The following SYT9 variants were observed in gnomAD, a reference collection of about 807,000 sequenced individuals.
SYT9 encodes synaptotagmin-9.
SYT9 carries 22 observed loss-of-function variants against 48.4 expected under a neutral mutation model. The ratio of observed to expected loss-of-function variants is 0.45; its 90% CI spans 0.32 to 0.65. The LOEUF is 0.65. Among genes scored for constraint, SYT9 ranks in the 30% least tolerant of loss-of-function variants. SYT9 has a pLI of 0.03. For synonymous variants in SYT9, 265 were observed against 245.0 expected, an observed-to-expected ratio of 1.08 and a Z score of -0.76; for missense variants, 577 against 622.0, an observed-to-expected ratio of 0.93 and a Z score of 0.77.
intron 3 of SYT9, among the ~76,000 whole-genome samples, chr11:7,394,305 A>G (rs1036878255): frequency 2.0e-5 from 3 of 152,028 alleles, no homozygotes; most frequent in African/African-American, 7.3e-5. Flanking sequence ...CATTTTTTAT[A>G]GGTGCATAGT....
intron 3 of SYT9, among the ~76,000 whole-genome samples, chr11:7,350,405 G>A (rs1168219534): frequency 6.6e-6 from 1 of 152,150 alleles, no homozygotes; most frequent in Non-Finnish European, 1.5e-5. Context: ...CATCAGAGCA[G>A]CCAACTTCTC....
intron 6 of SYT9, among the ~76,000 whole-genome samples, chr11:7,454,447 G>T (rs555369159): frequency 9.9e-5 from 15 of 152,036 alleles, no homozygotes; most frequent in Non-Finnish European, 2.1e-4. Flanking sequence ...CACGGACACA[G>T]TCCCTTTCCC....
At chr11:7,309,595 T>C (rs1347809658) in intron 2 of SYT9, among the ~76,000 whole-genome samples, 1 of 152,196 alleles carries the variant, frequency 6.6e-6, no homozygotes, top group African/African-American at 2.4e-5. Context: ...TGGGGGAGGC[T>C]CAGGTAATGG....
At chr11:7,365,119 C>T (rs1217593285) in intron 3 of SYT9, among the ~76,000 whole-genome samples, 1 of 151,684 alleles carries the variant, frequency 6.6e-6, no homozygotes. Context: ...CCATTGACTG[C>T]AAGGCTTATG....
rs551827049 is a variant in SYT9, at chr11:7,353,942, A to G, written c.1044+40001A>G. The stretch of plus-strand genomic sequence containing the variant: ...AAAGATGAAATATTGTATATTTGAA[A>G]TATTGTCTTTGAACTATCTTGATTG... On this transcript the variant is annotated intron_variant, in intron 3 of 6. Transcript: ENST00000318881. Among the ~76,000 whole-genome samples, 4 of 152,340 alleles carry G rather than the reference A, an allele frequency of 2.6e-5. No individual in the cohort carries two copies. The South Asian group carries it at 8.3e-4, about 32-fold the overall frequency.
intron 3 of SYT9, among the ~76,000 whole-genome samples, chr11:7,354,421 A>T (rs1849978178): frequency 6.6e-6 from 1 of 152,160 alleles, no homozygotes; most frequent in African/African-American, 2.4e-5. Flanking sequence ...TGGCAGAACC[A>T]ACATCTGTTT....
intron 1 of SYT9, among the ~76,000 whole-genome samples, chr11:7,298,280 A>G (rs1848849661): frequency 6.6e-6 from 1 of 151,598 alleles, no homozygotes. Context: ...TTTTTCTTTT[A>G]TTTCACCAAT....
chr11:7,427,950 C>CA (rs916677184), intron 6 of SYT9: 1 of 152,176 alleles, frequency 6.6e-6, no homozygotes, highest in Non-Finnish European at 1.5e-5. Context: ...ATTAGTGGGG[C>CA]ATTGTGTTTC....
intron 3 of SYT9, among the ~76,000 whole-genome samples, chr11:7,362,075 C>T (rs1472123356): frequency 6.6e-6 from 1 of 151,930 alleles, no homozygotes; most frequent in East Asian, 1.9e-4. Flanking sequence ...CCCAAAGTAC[C>T]ATCCAGTAGT....
At chr11:7,392,867 A>G (rs542572623) in intron 3 of SYT9, among the ~76,000 whole-genome samples, 1 of 152,204 alleles carries the variant, frequency 6.6e-6, no homozygotes, top group East Asian at 1.9e-4. Flanking sequence ...GTGTATTACA[A>G]ATGGGATTAC....
At chr11:7,434,266 G>T (rs1479954706) in intron 6 of SYT9, among the ~76,000 whole-genome samples, 1 of 152,162 alleles carries the variant, frequency 6.6e-6, no homozygotes, top group East Asian at 1.9e-4. Context: ...CTCCCATGTG[G>T]TTCAAGATAA....
rs71059104 is a variant in SYT9, at chr11:7,391,735, T to TAAAAAAAAAAAAAAAAAAA, written c.1045-24295_1045-24277dup. On this transcript the variant is annotated intron_variant, in intron 3 of 6. Coordinates refer to ENST00000318881, the MANE Select transcript of SYT9 (RefSeq NM_175733.4). ...GGACAACATGGTAAAACCCCATCTC[T>TAAAAAAAAAAAAAAAAAAA]AAAAAAAAAAAAAAAAAAAAAAAAA... Among the ~76,000 whole-genome samples the TAAAAAAAAAAAAAAAAAAA allele has an allele frequency of 1.6e-3, 59 of 35,950 alleles. 8 individuals are homozygous for TAAAAAAAAAAAAAAAAAAA. Among genetic ancestry groups the TAAAAAAAAAAAAAAAAAAA allele is most frequent in the Non-Finnish European group, 2.2e-3 (44 of 19,930 alleles). The allele number at this position is 35,950 out of a possible 152,430, so 23.6% of individuals were successfully genotyped here. A position where few individuals can be genotyped will look rare whatever the true frequency, so the allele number is the denominator to read the frequency against.
chr11:7,368,695 T>C (rs1216515501), intron 3 of SYT9, among the ~76,000 whole-genome samples: 2 of 152,238 alleles, frequency 1.3e-5, no homozygotes, highest in Non-Finnish European at 2.9e-5. Context: ...GGACACGAAC[T>C]CATCTTTTTT....
At chr11:7,262,670 G>C (rs1262407185) in intron 1 of SYT9, among the ~76,000 whole-genome samples, 1 of 152,136 alleles carries the variant, frequency 6.6e-6, no homozygotes, top group Non-Finnish European at 1.5e-5. Context: ...AAGTGCTACT[G>C]TTAGGTCAAG....
chr11:7,308,852 T>C (rs1224295137), intron 2 of SYT9, among the ~76,000 whole-genome samples: 1 of 152,168 alleles, frequency 6.6e-6, no homozygotes, highest in Non-Finnish European at 1.5e-5. Context: ...TAAGATCTGA[T>C]CGACATAGTT....
At chr11:7,420,853 C>G (rs1467190285) in intron 6 of SYT9, among the ~76,000 whole-genome samples, 1 of 152,098 alleles carries the variant, frequency 6.6e-6, no homozygotes, top group African/African-American at 2.4e-5. Context: ...AGAGATCATC[C>G]CTCATTTTGA....
chr11:7,418,049 A>G lies in SYT9; in HGVS notation c.1258A>G (p.Asn420Asp), dbSNP rs750627403. 14 of 1,614,088 alleles carry G rather than the reference A, an allele frequency of 8.7e-6. No individual in the cohort carries two copies. The highest frequency in any genetic ancestry group is 1.7e-5 in the Admixed American group (1 of 60,008). ...TKRNTLNPVY[N>D]EAIVFDVPPE... The stretch of plus-strand genomic sequence containing the variant: ...GAGGAACACCTTGAATCCTGTTTAC[A>G]ACGAAGCCATAGTCTTTGATGTCCC... The change falls in exon 5 of 7, where the codon AAC becomes GAC. Residue 420 changes from asparagine to aspartate, a missense_variant. Physicochemically the swap from Asn to Asp is conservative, Grantham distance 23. Coordinates refer to ENST00000318881, the MANE Select transcript of SYT9 (RefSeq NM_175733.4).
chr11:7,274,049 C>G (rs112637327), intron 1 of SYT9, among the ~76,000 whole-genome samples: 4,614 of 152,196 alleles, frequency 0.03, 236 homozygotes, highest in African/African-American at 0.1. Flanking sequence ...CACATGTATC[C>G]CAGAACTTAA....
At chr11:7,328,946 C>T (rs1045934696) in intron 3 of SYT9, among the ~76,000 whole-genome samples, 1 of 152,148 alleles carries the variant, frequency 6.6e-6, no homozygotes, top group South Asian at 2.1e-4. Flanking sequence ...ATCAACCGCT[C>T]TCTATGTGTA....
Sources: gnomAD v4.1 joint callset for allele counts (sites outside exome capture counted in the v4.1 genomes callset) on GRCh38, gnomAD v4.1.1 for gene constraint, MANE v1.5 for transcripts, NCBI Gene and HGNC (gene_info 2026-07-23, HGNC 2026-07-21) for gene names.